Variants in ZNF607 observed in about 807,000 individuals in gnomAD.
ZNF607 encodes zinc finger protein 607.
Under a neutral mutation model 12.8 loss-of-function variants are expected in ZNF607, and 5 were observed. The observed-to-expected ratio is 0.39, with a 90% CI of 0.20 to 0.82. ZNF607 has a LOEUF of 0.82. ZNF607 is among the 40% of genes least tolerant of loss of function. The pLI is 0.39. For missense variants in ZNF607, 851 were observed against 859.2 expected (o/e 0.99, Z 0.12); for synonymous variants, 287 against 276.2 (o/e 1.04, Z -0.39).
At position 37,697,833 on chromosome 19, in the gene ZNF607, G is replaced by C; in HGVS notation, c.*207C>G. 1 of 449,200 alleles carries C rather than the reference G, an allele frequency of 2.2e-6. No individual in the cohort carries two copies. Among genetic ancestry groups the C allele is most frequent in the East Asian group, 3.4e-5 (1 of 29,080 alleles). The allele number at this position is 449,200 out of a possible 1,614,324, so 27.8% of individuals were successfully genotyped here. On this transcript the variant is annotated 3_prime_UTR_variant, in exon 5 of 5. Coordinates refer to ENST00000355202, the MANE Select transcript of ZNF607 (RefSeq NM_032689.5). ...TAAAAAAATACATTATAAATTCTCT[G>C]AATCTGAGTTAACACAGGTCATACC...
intron 4 of ZNF607, among the ~76,000 whole-genome samples, chr19:37,704,904 T>C (rs1054818210): frequency 5.9e-5 from 9 of 152,022 alleles, no homozygotes; most frequent in South Asian, 2.1e-4. Context: ...TGAGCCGAGA[T>C]TGCGCCACTG....
At position 37,698,140 on chromosome 19, in the gene ZNF607, T is replaced by G; in HGVS notation, c.1991A>C (p.His664Pro). The G allele has an allele frequency of 1.2e-6, 2 of 1,614,006 alleles. No homozygotes were observed. Among genetic ancestry groups the G allele is most frequent in the Non-Finnish European group, 1.7e-6 (2 of 1,179,966 alleles). ...GGGTTTCTCACCAGTATGAACTCTA[T>G]GATGTATACTAAGTTCATGGCTACT... The part of the protein sequence containing the change: ...FNSSHELSIH[H>P]RVHTGEKPFK... The change falls in exon 5 of 5, where the codon CAT becomes CCT. Residue 664 changes from histidine (H) to proline (P), a missense_variant. By Grantham distance (77) the His-to-Pro change is moderately conservative. Transcript: ENST00000355202.
At chr19:37,711,007 A>G (rs949897812) in intron 2 of ZNF607, among the ~76,000 whole-genome samples, 3 of 152,214 alleles carry the variant, frequency 2.0e-5, no homozygotes, top group Non-Finnish European at 4.4e-5. Context: ...AAATCTTACC[A>G]TGAGCATTTT....
At chr19:37,712,388 G>C (rs1408086219) in intron 1 of ZNF607, among the ~76,000 whole-genome samples, 1 of 152,182 alleles carries the variant, frequency 6.6e-6, no homozygotes, top group African/African-American at 2.4e-5. Context: ...GCATGCACCT[G>C]TAGTCCCAGC....
chr19:37,697,294 C>T lies in ZNF607; in HGVS notation c.*746G>A, dbSNP rs2044984462. On this transcript the variant is annotated 3_prime_UTR_variant, in exon 5 of 5. Transcript: ENST00000355202. ...ACTCCACGGAATTGGTCAAAGATGG[C>T]AGCTCTGTGCCCAGCATCCACATTA... 12 of 921,646 alleles carry T rather than the reference C, an allele frequency of 1.3e-5. No homozygotes were observed. Among genetic ancestry groups the T allele is most frequent in the Admixed American group, 6.9e-5 (4 of 58,038 alleles). The allele number at this position is 921,646 out of a possible 1,614,324, so 57.1% of individuals were successfully genotyped here.
At chr19:37,706,878 T>C (rs2045089133) in intron 4 of ZNF607, among the ~76,000 whole-genome samples, 1 of 145,702 alleles carries the variant, frequency 6.9e-6, no homozygotes, top group Non-Finnish European at 1.5e-5. Context: ...TAGGTTGGAG[T>C]GTGGTGTTGT....
chr19:37,705,232 A>AG (rs2045071339), intron 4 of ZNF607, among the ~76,000 whole-genome samples: 1 of 152,214 alleles, frequency 6.6e-6, no homozygotes, highest in Non-Finnish European at 1.5e-5. Context: ...TATCACTATA[A>AG]ATCATAAAGT....
intron 1 of ZNF607, among the ~76,000 whole-genome samples, chr19:37,714,984 G>A (rs2045164474): frequency 6.6e-6 from 1 of 151,942 alleles, no homozygotes; most frequent in Admixed American, 6.6e-5. Flanking sequence ...TTGGCTCACT[G>A]CAACCTCCAC....
chr19:37,716,783 C>T (rs1018186486), intron 1 of ZNF607, among the ~76,000 whole-genome samples: 36 of 152,134 alleles, frequency 2.4e-4, no homozygotes, highest in Non-Finnish European at 5.0e-4. Flanking sequence ...AATATAACTT[C>T]AAGATATTTC....
chr19:37,696,666 G>A lies in ZNF607; in HGVS notation c.*1374C>T. The A allele has an allele frequency of 1.4e-6, 1 of 690,206 alleles. No individual in the cohort carries two copies. The highest frequency in any genetic ancestry group is 2.7e-6 in the Non-Finnish European group (1 of 375,970). The allele number at this position is 690,206 out of a possible 1,614,324, so 42.8% of individuals were successfully genotyped here. A position where few individuals can be genotyped will look rare whatever the true frequency, so the allele number is the denominator to read the frequency against. On this transcript the variant is annotated 3_prime_UTR_variant, in exon 5 of 5. Coordinates refer to ENST00000355202, the MANE Select transcript of ZNF607 (RefSeq NM_032689.5). ...CGGACTGCCCTGCCGGCAGGCAGGT[G>A]ATGTTCCGAGAGCATGAGAGCTGGT...
chr19:37,709,972 T>C (rs2045118990), intron 2 of ZNF607, 150 bp from the exon 3 acceptor site: 2 of 798,174 alleles, frequency 2.5e-6, no homozygotes, highest in Non-Finnish European at 3.7e-6. Context: ...ATGGTCAACA[T>C]GGTGAAACCC....
At chr19:37,708,723 C>T (rs1280218857) in intron 3 of ZNF607, among the ~76,000 whole-genome samples, 1 of 151,670 alleles carries the variant, frequency 6.6e-6, no homozygotes, top group Non-Finnish European at 1.5e-5. Context: ...GTGGTAGTGC[C>T]TCTAATCCCA....
intron 1 of ZNF607, among the ~76,000 whole-genome samples, chr19:37,718,558 C>T (rs773935683): frequency 6.6e-6 from 1 of 152,030 alleles, no homozygotes; most frequent in African/African-American, 2.4e-5. Flanking sequence ...GGAGGGAATC[C>T]TACACTCGAA....
At position 37,719,503 on chromosome 19, in the gene ZNF607, G is replaced by C. The variant is rs1428648766; in HGVS notation, c.-309C>G. The stretch of plus-strand genomic sequence containing the variant: ...CACGCAGGGTACCACGCGGGCGGCG[G>C]GCTGGGGCTGCAGAGGCTCCCGCAG... On this transcript the variant is annotated 5_prime_UTR_variant, in exon 1 of 5. Coordinates refer to ENST00000355202, the MANE Select transcript of ZNF607 (RefSeq NM_032689.5). 2 of 152,278 alleles carry C rather than the reference G, an allele frequency of 1.3e-5. No homozygotes were observed. The highest frequency in any genetic ancestry group is 4.8e-5 in the African/African-American group (2 of 41,466). The allele number at this position is 152,278 out of a possible 1,614,324, so 9.4% of individuals were successfully genotyped here.
intron 4 of ZNF607, among the ~76,000 whole-genome samples, chr19:37,705,792 A>C (rs2045077574): frequency 6.6e-6 from 1 of 152,072 alleles, no homozygotes; most frequent in Non-Finnish European, 1.5e-5. Flanking sequence ...AAGAAAAAAA[A>C]CTATATTTCT....
In ZNF607 at chr19:37,698,935, C is replaced by A. The variant is rs1263649200; in HGVS notation, c.1196G>T (p.Gly399Val). The part of the protein sequence containing the change: ...GKKPYECNKC[G>V]KSFRLNSSLK... ...GGATGAATTGAGCCTAAAGGACTTCCCACATTTGTTACATTCATAGGGTTT... is the reference window on the plus strand; with the variant it reads ...GGATGAATTGAGCCTAAAGGACTTCACACATTTGTTACATTCATAGGGTTT... Residue 399 changes from glycine to valine, a missense_variant, in exon 5 of 5, where the codon GGG (glycine) becomes GTG (valine). Gly to Val is a moderately radical substitution (Grantham distance 109). Coordinates refer to ENST00000355202, the MANE Select transcript of ZNF607 (RefSeq NM_032689.5). 20 of 1,613,988 alleles carry A rather than the reference C, an allele frequency of 1.2e-5. No individual in the cohort carries two copies. The highest frequency in any genetic ancestry group is 1.7e-5 in the Non-Finnish European group (20 of 1,179,972).
chr19:37,705,710 A>AGATGCATG (rs920975969), intron 4 of ZNF607, among the ~76,000 whole-genome samples: 2 of 149,056 alleles, frequency 1.3e-5, no homozygotes, highest in African/African-American at 4.9e-5. Flanking sequence ...AAAAAAACTT[A>AGATGCATG]GATGCATGTT....
chr19:37,718,729 A>G (rs754378657), intron 1 of ZNF607, among the ~76,000 whole-genome samples: 6 of 152,198 alleles, frequency 3.9e-5, no homozygotes, highest in Non-Finnish European at 7.4e-5. Context: ...ACCGTCCCCC[A>G]GGTCTCTCTC....
rs762060252 is a variant in ZNF607, at chr19:37,711,620, G to A, written c.-2C>T. ...GAAATATCAACTTACATAGGACATG[G>A]TTTGAGACTGGCAAGAGTTGATCAG... is the stretch of plus-strand genomic sequence containing the variant. On this transcript the variant is annotated 5_prime_UTR_variant, in exon 2 of 5. Coordinates refer to ENST00000355202, the MANE Select transcript of ZNF607 (RefSeq NM_032689.5). The A allele has an allele frequency of 6.2e-7, 1 of 1,613,866 alleles. No individual in the cohort carries two copies. Among genetic ancestry groups the A allele is most frequent in the South Asian group, 1.1e-5 (1 of 91,070 alleles).
Sources: allele counts gnomAD v4.1 joint callset (sites outside exome capture counted in the v4.1 genomes callset), GRCh38; gene constraint gnomAD v4.1.1; transcripts MANE v1.5; gene names NCBI Gene and HGNC (gene_info 2026-07-23, HGNC 2026-07-21).